Variants in TSHZ2 observed in about 807,000 individuals in gnomAD.
The protein encoded by TSHZ2 is teashirt homolog 2.
Under a neutral mutation model 74.4 loss-of-function variants are expected in TSHZ2, and 21 were observed. The ratio of observed to expected loss-of-function variants is 0.28; its 90% CI spans 0.20 to 0.41. The LOEUF is 0.41. TSHZ2 is among the 10% of genes least tolerant of loss of function. The pLI, the probability that TSHZ2 is intolerant of heterozygous loss-of-function variation, is 1.00. For missense variants in TSHZ2, 1,244 were observed against 1,293.5 expected (o/e 0.96, Z 0.59); for synonymous variants, 540 against 515.3 (o/e 1.05, Z -0.65).
At chr20:53,268,957 TC>T (rs1467946789) in intron 2 of TSHZ2, among the ~76,000 whole-genome samples, 1 of 152,200 alleles carries the variant, frequency 6.6e-6, no homozygotes, top group Admixed American at 6.5e-5. Context: ...AGTTTTCTCA[TC>T]CCTAAAATTC....
At chr20:53,139,381 T>C (rs1230227668) in intron 1 of TSHZ2, among the ~76,000 whole-genome samples, 1 of 152,228 alleles carries the variant, frequency 6.6e-6, no homozygotes, top group Non-Finnish European at 1.5e-5. Context: ...CGATTTTTCC[T>C]TGAAGAAAGA....
In TSHZ2 at chr20:53,226,119, AACACACACACACACACACACACAC is replaced by A. The variant is rs11470731; in HGVS notation, c.41-27362_41-27339del. ...AGAAGATGGCTCACAGACTAAATTTAACACACACACACACACACACACACACACACACACACACACATGCACACA... is the reference window on the plus strand; with the variant it reads ...AGAAGATGGCTCACAGACTAAATTTAACACACACACACACACATGCACACA... On this transcript the variant is annotated intron_variant, in intron 1 of 2. Transcript: ENST00000371497. Among the ~76,000 whole-genome samples, 10 of 147,646 alleles carry A rather than the reference AACACACACACACACACACACACAC, an allele frequency of 6.8e-5. No individual in the cohort carries two copies. In the East Asian group the frequency reaches 1.2e-3, roughly 18 times the overall value.
chr20:53,064,678 G>C (rs1045553149), intron 1 of TSHZ2, among the ~76,000 whole-genome samples: 1 of 100,962 alleles, frequency 9.9e-6, no homozygotes, highest in Non-Finnish European at 1.9e-5. Flanking sequence ...AATAAAAGAC[G>C]TAGACAGAGA....
chr20:53,024,988 A>C (rs1053605575), intron 1 of TSHZ2, among the ~76,000 whole-genome samples: 1 of 152,120 alleles, frequency 6.6e-6, no homozygotes, highest in African/African-American at 2.4e-5. Flanking sequence ...TTGCAGGTAA[A>C]TTTTAAGCAT....
chr20:53,058,470 C>A (rs1439446271), intron 1 of TSHZ2, among the ~76,000 whole-genome samples: 1 of 152,168 alleles, frequency 6.6e-6, no homozygotes, highest in Non-Finnish European at 1.5e-5. Context: ...GGGCCCCTTG[C>A]AGAATTTCAA....
chr20:53,339,320 T>C (rs186107914), intron 2 of TSHZ2, among the ~76,000 whole-genome samples: 23 of 152,200 alleles, frequency 1.5e-4, no homozygotes, highest in African/African-American at 4.8e-4. Context: ...AGAGGGTTCA[T>C]TGGCCAAGGT....
At chr20:53,354,618 T>G (rs967966139) in intron 2 of TSHZ2, among the ~76,000 whole-genome samples, 1 of 152,206 alleles carries the variant, frequency 6.6e-6, no homozygotes, top group Non-Finnish European at 1.5e-5. Context: ...ATATATGTCT[T>G]GCCTGATTTT....
At chr20:53,057,416 G>A (rs1452104681) in intron 1 of TSHZ2, among the ~76,000 whole-genome samples, 2 of 139,976 alleles carry the variant, frequency 1.4e-5, no homozygotes, top group African/African-American at 2.6e-5. Context: ...TTTCCCAGAC[G>A]CCCTACAACC....
chr20:53,383,488 G>A (rs887860685), intron 2 of TSHZ2, among the ~76,000 whole-genome samples: 3 of 151,764 alleles, frequency 2.0e-5, no homozygotes, highest in African/African-American at 2.4e-5. Flanking sequence ...GGCCTGGTGC[G>A]GTGGCTCATG....
chr20:53,230,189 A>C (rs1389754661), intron 1 of TSHZ2, among the ~76,000 whole-genome samples: 1 of 152,134 alleles, frequency 6.6e-6, no homozygotes, highest in East Asian at 1.9e-4. Context: ...TATTGATGAT[A>C]TCTCTCTATA....
At chr20:53,327,350 G>A (rs746551829) in intron 2 of TSHZ2, among the ~76,000 whole-genome samples, 3 of 152,182 alleles carry the variant, frequency 2.0e-5, no homozygotes, top group East Asian at 1.9e-4. Flanking sequence ...TGACAGATGC[G>A]TGGTGGCGGG....
At chr20:53,291,386 T>C (rs937276876) in intron 2 of TSHZ2, among the ~76,000 whole-genome samples, 3 of 149,454 alleles carry the variant, frequency 2.0e-5, no homozygotes, top group African/African-American at 7.4e-5. Flanking sequence ...GGCAGGAGAA[T>C]CTATTGAACC....
intron 1 of TSHZ2, among the ~76,000 whole-genome samples, chr20:53,008,293 T>C (rs943176236): frequency 1.3e-5 from 2 of 152,216 alleles, no homozygotes; most frequent in Admixed American, 6.5e-5. Flanking sequence ...GGGTGTCACT[T>C]GAACTTAAGC....
chr20:52,983,505 C>T (rs892225323), intron 1 of TSHZ2, among the ~76,000 whole-genome samples: 5 of 151,998 alleles, frequency 3.3e-5, no homozygotes, highest in Non-Finnish European at 5.9e-5. Context: ...GAAATGAATG[C>T]TTTCATTCAT....
chr20:53,324,500 C>T (rs768510449), intron 2 of TSHZ2, among the ~76,000 whole-genome samples: 3 of 152,180 alleles, frequency 2.0e-5, no homozygotes, highest in Non-Finnish European at 4.4e-5. Flanking sequence ...AACTCAGCCT[C>T]CCCAGTAGCA....
intron 1 of TSHZ2, among the ~76,000 whole-genome samples, chr20:53,146,375 C>T (rs1406201568): frequency 6.6e-6 from 1 of 152,124 alleles, no homozygotes; most frequent in Non-Finnish European, 1.5e-5. Flanking sequence ...CCGCACCTCA[C>T]ACTAATCATG....
intron 2 of TSHZ2, among the ~76,000 whole-genome samples, chr20:53,321,374 C>A (rs1979253958): frequency 6.6e-6 from 1 of 152,014 alleles, no homozygotes; most frequent in African/African-American, 2.4e-5. Flanking sequence ...ATGTTGGCAT[C>A]CATTTGTGTG....
At chr20:53,233,134 G>A (rs1989866834) in intron 1 of TSHZ2, among the ~76,000 whole-genome samples, 1 of 152,192 alleles carries the variant, frequency 6.6e-6, no homozygotes, top group Non-Finnish European at 1.5e-5. Flanking sequence ...AGATACCATT[G>A]ATTGTAAGAT....
chr20:52,993,702 A>C (rs1982071511), intron 1 of TSHZ2, among the ~76,000 whole-genome samples: 1 of 152,264 alleles, frequency 6.6e-6, no homozygotes, highest in Admixed American at 6.5e-5. Context: ...ATGGAAACTT[A>C]TAACCTTCCT....
Sources: allele counts gnomAD v4.1 joint callset (sites outside exome capture counted in the v4.1 genomes callset), GRCh38; gene constraint gnomAD v4.1.1; transcripts MANE v1.5; gene names NCBI Gene and HGNC (gene_info 2026-07-23, HGNC 2026-07-21).